The following FAF1 variants were observed in gnomAD, a reference collection of about 807,000 sequenced individuals.
FAF1 encodes the protein FAS-associated factor 1.
Under a neutral mutation model 92.5 loss-of-function variants are expected in FAF1, and 25 were observed. The observed-to-expected ratio is 0.27, with a 90% CI of 0.20 to 0.38. The LOEUF is 0.38. Ranked by LOEUF, FAF1 falls within the 10% of genes least tolerant of loss-of-function variation. The pLI is 1.00. For synonymous variants in FAF1, 234 were observed against 273.2 expected (o/e 0.86, Z 1.42); for missense variants, 636 against 793.3 (o/e 0.80, Z 2.38).
At chr1:50,586,917 G>A (rs1005733219) in intron 9 of FAF1, among the ~76,000 whole-genome samples, 2 of 152,146 alleles carry the variant, frequency 1.3e-5, no homozygotes, top group Non-Finnish European at 2.9e-5. Context: ...ACAGTGCCTA[G>A]CCAGATTCAC....
At chr1:50,933,188 C>T (rs1391329691) in intron 1 of FAF1, among the ~76,000 whole-genome samples, 1 of 152,328 alleles carries the variant, frequency 6.6e-6, no homozygotes, top group Admixed American at 6.5e-5. Context: ...CTGCAGCCAA[C>T]TTGAATTTCT....
At chr1:50,476,249 G>A (rs571300113) in intron 17 of FAF1, among the ~76,000 whole-genome samples, 1 of 152,230 alleles carries the variant, frequency 6.6e-6, no homozygotes, top group African/African-American at 2.4e-5. Context: ...ACTTAAGAAT[G>A]GCAAGTTACT....
At chr1:50,860,735 T>G (rs1334660130) in intron 1 of FAF1, among the ~76,000 whole-genome samples, 1 of 151,760 alleles carries the variant, frequency 6.6e-6, no homozygotes, top group Non-Finnish European at 1.5e-5. Flanking sequence ...GAAATCCCTA[T>G]GTATATATTA....
chr1:50,803,361 A>C (rs1015123638), intron 2 of FAF1, among the ~76,000 whole-genome samples: 4 of 152,200 alleles, frequency 2.6e-5, no homozygotes, highest in African/African-American at 7.2e-5. Flanking sequence ...AGGACTCAGA[A>C]AGTCTAAAGT....
At chr1:50,687,463 A>G (rs1656717793) in intron 7 of FAF1, among the ~76,000 whole-genome samples, 2 of 152,172 alleles carry the variant, frequency 1.3e-5, no homozygotes, top group South Asian at 4.1e-4. Flanking sequence ...ATGATGCTCA[A>G]AACTGGCCGG....
chr1:50,614,891 T>C (rs1246430724), intron 8 of FAF1, among the ~76,000 whole-genome samples: 1 of 148,640 alleles, frequency 6.7e-6, no homozygotes, highest in East Asian at 2.0e-4. Context: ...AAAAATGACA[T>C]GAGAATGTGA....
chr1:50,649,708 C>T (rs369808758), intron 8 of FAF1, among the ~76,000 whole-genome samples: 7 of 147,940 alleles, frequency 4.7e-5, no homozygotes, highest in Non-Finnish European at 7.4e-5. Context: ...TTTGACAGGC[C>T]GAGGCAGGTG....
At chr1:50,626,557 T>C (rs1426723712) in intron 8 of FAF1, among the ~76,000 whole-genome samples, 2 of 152,108 alleles carry the variant, frequency 1.3e-5, no homozygotes, top group Admixed American at 1.3e-4. Context: ...CAATAAAATA[T>C]AAGATAACAC....
intron 1 of FAF1, among the ~76,000 whole-genome samples, chr1:50,871,142 T>TC (rs1412377424): frequency 2.0e-5 from 3 of 152,230 alleles, no homozygotes; most frequent in African/African-American, 7.2e-5. Flanking sequence ...CAAACTTGCT[T>TC]ACATTCTACG....
At chr1:50,786,446 T>TGAGG (rs1661368030) in intron 4 of FAF1, among the ~76,000 whole-genome samples, 1 of 152,146 alleles carries the variant, frequency 6.6e-6, no homozygotes, top group Admixed American at 6.5e-5. Context: ...GCCAGGAGTT[T>TGAGG]GAGGGAGGGG....
chr1:50,753,785 T>C (rs1194219053), intron 4 of FAF1, among the ~76,000 whole-genome samples: 2 of 150,224 alleles, frequency 1.3e-5, no homozygotes. Flanking sequence ...TGAGACATAG[T>C]CTCGCTTAGT....
chr1:50,767,273 C>T (rs994440419), intron 4 of FAF1, among the ~76,000 whole-genome samples: 1 of 151,994 alleles, frequency 6.6e-6, no homozygotes, highest in Non-Finnish European at 1.5e-5. Context: ...TAAAAAGACT[C>T]AAAAAAGAAC....
Position 50,584,666 on chromosome 1 carries a change from A to G in FAF1, c.967+19T>C. On this transcript the variant is annotated intron_variant, in intron 10 of 18. Transcript: ENST00000396153. ...AGAAAGAATTCTATTGCTGGACCCA[A>G]AGAGCTATTAATACTCACTCATTGG... 2 of 1,609,128 alleles carry G rather than the reference A, an allele frequency of 1.2e-6. No homozygotes were observed. Among genetic ancestry groups the G allele is most frequent in the Non-Finnish European group, 1.7e-6 (2 of 1,177,998 alleles).
intron 13 of FAF1, among the ~76,000 whole-genome samples, chr1:50,546,028 A>C (rs981252162): frequency 2.0e-5 from 3 of 152,188 alleles, no homozygotes; most frequent in African/African-American, 7.2e-5. Context: ...TTAGTTGGCA[A>C]GGTGGCATAT....
chr1:50,506,286 T>A (rs1373006660), intron 15 of FAF1, among the ~76,000 whole-genome samples: 1 of 152,222 alleles, frequency 6.6e-6, no homozygotes. Context: ...TTAACATAGC[T>A]GGCCTTAGAT....
chr1:50,654,294 A>G (rs1655005579), intron 8 of FAF1, among the ~76,000 whole-genome samples: 1 of 152,170 alleles, frequency 6.6e-6, no homozygotes, highest in Non-Finnish European at 1.5e-5. Context: ...CAAAGTCCCA[A>G]TTTCTTTTTA....
intron 13 of FAF1, among the ~76,000 whole-genome samples, chr1:50,562,496 C>G (rs769909901): frequency 6.6e-5 from 10 of 152,126 alleles, no homozygotes; most frequent in Non-Finnish European, 1.3e-4. Context: ...AAATCTGCCA[C>G]CCAAAAGACT....
At chr1:50,657,695 C>G (rs1280087515) in intron 7 of FAF1, among the ~76,000 whole-genome samples, 1 of 152,218 alleles carries the variant, frequency 6.6e-6, no homozygotes, top group Non-Finnish European at 1.5e-5. Context: ...ATTACCCTTT[C>G]TTATACATAA....
intron 1 of FAF1, among the ~76,000 whole-genome samples, chr1:50,937,610 C>A (rs1187438981): frequency 6.6e-6 from 1 of 152,102 alleles, no homozygotes; most frequent in Non-Finnish European, 1.5e-5. Context: ...TACCAACCAT[C>A]TGATAGATAG....
Sources: allele counts gnomAD v4.1 joint callset (sites outside exome capture counted in the v4.1 genomes callset), GRCh38; gene constraint gnomAD v4.1.1; transcripts MANE v1.5; gene names NCBI Gene and HGNC (gene_info 2026-07-23, HGNC 2026-07-21).